Variants in POGZ observed in about 807,000 individuals in gnomAD.
The protein encoded by POGZ is pogo transposable element with ZNF domain.
A neutral mutation model predicts 134.6 loss-of-function variants in POGZ; 17 were observed. That is an observed-to-expected ratio of 0.13 (90% CI 0.09 to 0.19). POGZ has a LOEUF of 0.19. Ranked by LOEUF, POGZ falls within the 10% of genes least tolerant of loss-of-function variation. The probability of loss-of-function intolerance (pLI) is 1.00; values close to 1 mark genes in which losing one functional copy is unlikely to be tolerated. For missense variants in POGZ, 1,306 were observed against 1,769.7 expected (o/e 0.74, Z 4.70); for synonymous variants, 693 against 657.1 (o/e 1.05, Z -0.84).
chr1:151,453,186 C>T (rs1449468050), intron 1 of POGZ, among the ~76,000 whole-genome samples: 1 of 151,990 alleles, frequency 6.6e-6, no homozygotes, highest in Non-Finnish European at 1.5e-5. Flanking sequence ...TCCCAAAGTG[C>T]TTCGGTTACA....
chr1:151,408,560 C>T lies in POGZ; in HGVS notation c.2083G>A (p.Gly695Arg), dbSNP rs1490361516. 1.9e-6 allele frequency: 3 copies of T among 1,610,356 alleles called. No homozygotes were observed. Among genetic ancestry groups the T allele is most frequent in the Non-Finnish European group, 2.5e-6 (3 of 1,179,130 alleles). The part of the protein sequence containing the change: ...GTKVTIRASR[G>R]QPRTVPVSSN... ...GATACAGGAACAGTTCGTGGCTGCC[C>T]TCGGGAAGCCCGGATTGTCACCTGA... The change falls in exon 14 of 19, where the codon GGG becomes AGG. Residue 695 changes from glycine (G) to arginine (R), a missense_variant. Coordinates refer to ENST00000271715, the MANE Select transcript of POGZ (RefSeq NM_015100.4).
At chr1:151,450,465 G>A (rs11204815) in intron 1 of POGZ, among the ~76,000 whole-genome samples, 97,426 of 151,838 alleles carry the variant, frequency 0.64, 34,777 homozygotes, top group Non-Finnish European at 0.82. Flanking sequence ...CAATCCTCCC[G>A]TCTCAGCCTC....
Position 151,453,240 on chromosome 1 carries a change from C to G in POGZ, c.-2+5912G>C, listed in dbSNP as rs548188460. 2.0e-3 allele frequency among the ~76,000 whole-genome samples: 297 copies of G among 151,938 alleles called. 2 individuals carry two copies. The highest frequency in any genetic ancestry group is 3.6e-3 in the Non-Finnish European group (244 of 68,010). On this transcript the variant is annotated intron_variant, in intron 1 of 18. Coordinates refer to ENST00000271715, the MANE Select transcript of POGZ (RefSeq NM_015100.4). ...CAGCCTCTTTCTCCCTTTTCGCATG[C>G]GTGAAATTTTCTTAATAAAAACTGA...
chr1:151,433,606 C>CAAAAAAAAAAAAAAAAAAAAAAAA (rs57509550), intron 3 of POGZ, among the ~76,000 whole-genome samples: 1 of 81,738 alleles, frequency 1.2e-5, no homozygotes, highest in African/African-American at 4.8e-5. Flanking sequence ...AATTCCGTCT[C>CAAAAAAAAAAAAAAAAAAAAAAAA]AAAAAAAAAA....
intron 17 of POGZ, 90 bp from the exon 18 acceptor site, chr1:151,406,721 A>C: frequency 8.5e-7 from 1 of 1,173,050 alleles, no homozygotes; most frequent in Non-Finnish European, 1.3e-6. Flanking sequence ...TACTACATAC[A>C]AATACGCTGT....
At chr1:151,444,551 G>A (rs1661003969) in intron 1 of POGZ, among the ~76,000 whole-genome samples, 1 of 152,126 alleles carries the variant, frequency 6.6e-6, no homozygotes, top group African/African-American at 2.4e-5. Flanking sequence ...TGGTTTTCAA[G>A]GACCTACTTT....
Position 151,413,023 on chromosome 1 carries a change from C to T in POGZ, c.1679-627G>A, listed in dbSNP as rs536659579. ...AATTTCATGTTGGCCAGGTTGGTCT[C>T]GAACTCCTGACCTCAGGTGATCTAC... On this transcript the variant is annotated intron_variant, in intron 10 of 18. Coordinates refer to ENST00000271715, the MANE Select transcript of POGZ (RefSeq NM_015100.4). Among the ~76,000 whole-genome samples the T allele has an allele frequency of 4.0e-5, 6 of 151,448 alleles. No homozygotes were observed. The South Asian group carries it at 1.0e-3, about 26-fold the overall frequency.
In POGZ at chr1:151,440,950, G is replaced by A; in HGVS notation, c.261C>T (p.Val87=). ...TACCATTGTTGTTGGCAATTAGTGT[G>A]ACAAGAGTCTTCTTTGTACTGTCGC... The part of the protein sequence containing the change: ...QNSDSTKKTL[V]TLIANNNAGN... The change falls in exon 3 of 19, where the codon GTC becomes GTT. Residue 87 remains valine (V), a synonymous_variant. Transcript: ENST00000271715. 6.2e-7 allele frequency: 1 copy of A among 1,613,466 alleles called. No individual in the cohort carries two copies. Among genetic ancestry groups the A allele is most frequent in the East Asian group, 2.2e-5 (1 of 44,872 alleles).
intron 10 of POGZ, among the ~76,000 whole-genome samples, chr1:151,420,174 C>G (rs1336915836): frequency 1.3e-5 from 2 of 152,084 alleles, no homozygotes; most frequent in African/African-American, 4.8e-5. Flanking sequence ...GGTGGCAGAG[C>G]AAGACCCTGT....
At chr1:151,430,543 A>C in intron 4 of POGZ, 123 bp downstream of exon 4, 1 of 682,418 alleles carries the variant, frequency 1.5e-6, no homozygotes. Flanking sequence ...TAAAAGAGAA[A>C]GCCAGGTCAA....
rs1660638015 is a variant in POGZ, at chr1:151,442,189, G to A, written c.16C>T (p.Leu6=). The A allele has an allele frequency of 1.1e-5, 17 of 1,613,412 alleles. No individual in the cohort carries two copies. The highest frequency in any genetic ancestry group is 1.3e-5 in the Non-Finnish European group (15 of 1,179,696). MADTD[L]FMECEEEELE... ...TCCTCCTCCTCACATTCCATGAACA[G>A]GTCGGTGTCCGCCATGCTATAAGAA... The change falls in exon 2 of 19, where the codon CTG becomes TTG. Residue 6 remains leucine, a synonymous_variant. Transcript: ENST00000271715.
At chr1:151,424,334 T>C in intron 8 of POGZ, 48 bp from the exon 9 acceptor site, 1 of 1,183,982 alleles carries the variant, frequency 8.4e-7, no homozygotes, top group Non-Finnish European at 1.2e-6. Flanking sequence ...GGGGCTAGAA[T>C]GTGCTAACTC....
chr1:151,403,239 A>G lies in POGZ; in HGVS notation c.*1563T>C. ...AAACAAAAAAGCAGGGTGGGGTGGG[A>G]GAAATGGGTGGTAACAAATGTCACA... On this transcript the variant is annotated 3_prime_UTR_variant, in exon 19 of 19. Transcript: ENST00000271715. The G allele has an allele frequency of 1.0e-6, 1 of 985,828 alleles. No homozygotes were observed. Among genetic ancestry groups the G allele is most frequent in the Non-Finnish European group, 1.2e-6 (1 of 829,916 alleles). 61.1% of individuals were successfully genotyped at this position (985,828 alleles called of 1,614,324 possible). A position where few individuals can be genotyped will look rare whatever the true frequency, so the allele number is the denominator to read the frequency against.
At chr1:151,413,594 C>G (rs903763239) in intron 10 of POGZ, among the ~76,000 whole-genome samples, 4 of 151,170 alleles carry the variant, frequency 2.6e-5, no homozygotes, top group African/African-American at 7.3e-5. Flanking sequence ...TGTCTAACCT[C>G]CCCCCGCCCC....
intron 3 of POGZ, 75 bp downstream of exon 3, chr1:151,440,853 G>A: frequency 8.0e-7 from 1 of 1,248,234 alleles, no homozygotes; most frequent in South Asian, 1.3e-5. Context: ...TAAACAGGTA[G>A]GGCTGTCCCT....
chr1:151,458,857 C>G (rs1407714711), intron 1 of POGZ, among the ~76,000 whole-genome samples: 2 of 145,418 alleles, frequency 1.4e-5, no homozygotes, highest in African/African-American at 4.9e-5. Flanking sequence ...GGGCGGCCGG[C>G]CAGCCGGCAG....
rs530497784 is a variant in POGZ, at chr1:151,444,712, A to G, written c.-1-2507T>C. ...AAAAGGGTGTTCTTTTATCTTAAGT[A>G]TTTACAATACCTTAAGAGTTTCAGT... On this transcript the variant is annotated intron_variant, in intron 1 of 18. Transcript: ENST00000271715. Among the ~76,000 whole-genome samples, 3 of 152,338 alleles carry G rather than the reference A, an allele frequency of 2.0e-5. No individual in the cohort carries two copies. The South Asian group carries it at 6.2e-4, about 32-fold the overall frequency.
intron 1 of POGZ, among the ~76,000 whole-genome samples, chr1:151,446,225 C>A: frequency 7.1e-6 from 1 of 141,280 alleles, no homozygotes; most frequent in Admixed American, 7.3e-5. Context: ...CACATTTAAC[C>A]TCCTTCCATA....
intron 10 of POGZ, among the ~76,000 whole-genome samples, chr1:151,422,684 C>T (rs766725253): frequency 2.4e-4 from 36 of 152,066 alleles, no homozygotes; most frequent in African/African-American, 7.5e-4. Context: ...CTCCGCCTCC[C>T]GGGTTCAAGC....
Sources: allele counts gnomAD v4.1 joint callset (sites outside exome capture counted in the v4.1 genomes callset), GRCh38; gene constraint gnomAD v4.1.1; transcripts MANE v1.5; gene names NCBI Gene and HGNC (gene_info 2026-07-23, HGNC 2026-07-21).